The following BIRC5 variants were observed in gnomAD, a reference collection of about 807,000 sequenced individuals.
The protein encoded by BIRC5 is baculoviral IAP repeat-containing protein 5.
In BIRC5, 8 loss-of-function variants were observed where a neutral mutation model predicts 15.8. That is an observed-to-expected ratio of 0.51 (90% CI 0.30 to 0.91). The LOEUF (loss-of-function observed/expected upper bound fraction) is 0.91. BIRC5 is among the 40% of genes least tolerant of loss of function. BIRC5 has a pLI of 0.07. For missense variants in BIRC5, 163 were observed against 178.6 expected (o/e 0.91, Z 0.50); for synonymous variants, 56 against 64.5 (o/e 0.87, Z 0.63).
chr17:78,217,279 G>A (rs1212432728), intron 3 of BIRC5, among the ~76,000 whole-genome samples: 1 of 151,036 alleles, frequency 6.6e-6, no homozygotes, highest in Admixed American at 6.6e-5. Flanking sequence ...GGGCTCAAGT[G>A]ATTTGCCTGC....
At chr17:78,217,009 A>G (rs371666679) in intron 3 of BIRC5, among the ~76,000 whole-genome samples, 56 of 148,244 alleles carry the variant, frequency 3.8e-4, no homozygotes, top group African/African-American at 1.4e-3. Flanking sequence ...CCTCCCAAGT[A>G]ACTGGGATTA....
chr17:78,214,402 A>C lies in BIRC5; in HGVS notation c.86A>C (p.Glu29Ala). 6.3e-7 allele frequency: 1 copy of C among 1,592,866 alleles called. No homozygotes were observed. The highest frequency in any genetic ancestry group is 1.1e-5 in the South Asian group (1 of 89,200). The change falls in exon 1 of 4, where the codon GAG becomes GCG. Residue 29 changes from glutamate to alanine, a missense_variant. Coordinates refer to ENST00000350051, the MANE Select transcript of BIRC5 (RefSeq NM_001168.3). ...ISTFKNWPFL[E>A]GCACTPERMA... Reference sequence around the variant, plus strand: ...ACATTCAAGAACTGGCCCTTCTTGGAGGGCTGCGCCTGCACCCCGGAGCGG... The same window carrying C: ...ACATTCAAGAACTGGCCCTTCTTGGCGGGCTGCGCCTGCACCCCGGAGCGG...
At chr17:78,216,848 C>G (rs1260613568) in intron 3 of BIRC5, 67 bp downstream of exon 3, 13 of 1,190,092 alleles carry the variant, frequency 1.1e-5, no homozygotes, top group Non-Finnish European at 1.6e-5. Context: ...TACCTAGTCC[C>G]TCAAAGGGAC....
At chr17:78,220,551 A>C (rs921181625) in intron 3 of BIRC5, among the ~76,000 whole-genome samples, 4 of 152,134 alleles carry the variant, frequency 2.6e-5, no homozygotes, top group Admixed American at 6.6e-5. Context: ...AGACCCAGCC[A>C]CACTGGAAAG....
In BIRC5 at chr17:78,214,285, C is replaced by T. The variant is rs762112729; in HGVS notation, c.-32C>T. On this transcript the variant is annotated 5_prime_UTR_variant, in exon 1 of 4. Coordinates refer to ENST00000350051, the MANE Select transcript of BIRC5 (RefSeq NM_001168.3). ...GCCATTAACCGCCAGATTTGAATCGCGGGACCCGTTGGCAGAGGTGGCGGC... is the reference window on the plus strand; with the variant it reads ...GCCATTAACCGCCAGATTTGAATCGTGGGACCCGTTGGCAGAGGTGGCGGC... 2.4e-5 allele frequency: 38 copies of T among 1,576,548 alleles called. No homozygotes were observed. The highest frequency in any genetic ancestry group is 1.1e-4 in the East Asian group (5 of 43,530).
At chr17:78,220,877 G>A (rs1431613717) in intron 3 of BIRC5, among the ~76,000 whole-genome samples, 2 of 151,950 alleles carry the variant, frequency 1.3e-5, no homozygotes, top group Non-Finnish European at 2.9e-5. Flanking sequence ...CGTGTGTTGC[G>A]CTATACAAAT....
rs2076465167 is a variant in BIRC5, at chr17:78,214,673, C to A, written c.112-7C>A. The A allele has an allele frequency of 6.3e-7, 1 of 1,596,222 alleles. No homozygotes were observed. The highest frequency in any genetic ancestry group is 1.1e-5 in the South Asian group (1 of 88,466). Reference sequence around the variant, plus strand: ...CGTCCACTCACGAGCTGTGCTGTCCCTTGCAGATGGCCGAGGCTGGCTTCA... The same window carrying A: ...CGTCCACTCACGAGCTGTGCTGTCCATTGCAGATGGCCGAGGCTGGCTTCA... On this transcript the variant is annotated splice_polypyrimidine_tract_variant and splice_region_variant and intron_variant, in intron 1 of 3. Transcript: ENST00000350051.
At position 78,223,528 on chromosome 17, in the gene BIRC5, A is replaced by G; in HGVS notation, c.403A>G (p.Ile135Val). Residue 135 changes from isoleucine (I) to valine (V), a missense_variant, in exon 4 of 4, where the codon ATC becomes GTC. By Grantham distance (29) the Ile-to-Val change is conservative. Transcript: ENST00000350051. ...EETAEKVRRA[I>V]EQLAAMD ...AACTGCGGAGAAAGTGCGCCGTGCC[A>G]TCGAGCAGCTGGCTGCCATGGATTG... 2.5e-6 allele frequency: 4 copies of G among 1,613,274 alleles called. No homozygotes were observed. Among genetic ancestry groups the G allele is most frequent in the Non-Finnish European group, 3.4e-6 (4 of 1,179,636 alleles).
chr17:78,217,176 C>CT (rs1415769310), intron 3 of BIRC5, among the ~76,000 whole-genome samples: 147 of 142,416 alleles, frequency 1.0e-3, no homozygotes, highest in African/African-American at 1.4e-3. Flanking sequence ...CCACGCCTGG[C>CT]TTTTTTTTTT....
rs1047418031 is a variant in BIRC5, at chr17:78,223,768, G to A, written c.*214G>A. 2 of 1,067,252 alleles carry A rather than the reference G, an allele frequency of 1.9e-6. No individual in the cohort carries two copies. Among genetic ancestry groups the A allele is most frequent in the Admixed American group, 7.4e-5 (2 of 26,930 alleles). The allele number at this position is 1,067,252 out of a possible 1,614,324, so 66.1% of individuals were successfully genotyped here. On this transcript the variant is annotated 3_prime_UTR_variant, in exon 4 of 4. Coordinates refer to ENST00000350051, the MANE Select transcript of BIRC5 (RefSeq NM_001168.3). ...TGCAGCGGGTGCTGCTGGTAACAGTGGCTGCTTCTCTCTCTCTCTCTCTTT... is the reference window on the plus strand; with the variant it reads ...TGCAGCGGGTGCTGCTGGTAACAGTAGCTGCTTCTCTCTCTCTCTCTCTTT...
At chr17:78,222,546 T>C (rs1223267979) in intron 3 of BIRC5, among the ~76,000 whole-genome samples, 1 of 152,022 alleles carries the variant, frequency 6.6e-6, no homozygotes, top group Non-Finnish European at 1.5e-5. Flanking sequence ...ATGCCTGTAA[T>C]CCCAGCTACT....
intron 2 of BIRC5, 29 bp from the exon 3 acceptor site, chr17:78,216,635 C>T (rs1567863710): frequency 1.2e-6 from 2 of 1,604,514 alleles, no homozygotes; most frequent in Admixed American, 3.3e-5. Flanking sequence ...CCTTCAGCTG[C>T]CTTTCCGCTG....
intron 3 of BIRC5, among the ~76,000 whole-genome samples, chr17:78,218,606 A>ATT (rs1249282902): frequency 2.0e-5 from 2 of 100,134 alleles, no homozygotes; most frequent in Admixed American, 1.0e-4. Context: ...AAATTTTTTG[A>ATT]TTTTTTTTTT....
At chr17:78,218,188 G>A (rs1319426516) in intron 3 of BIRC5, among the ~76,000 whole-genome samples, 2 of 151,806 alleles carry the variant, frequency 1.3e-5, no homozygotes, top group Admixed American at 6.6e-5. Flanking sequence ...AGTATATACC[G>A]GTATAAGTAA....
At chr17:78,221,801 A>T (rs2076517422) in intron 3 of BIRC5, among the ~76,000 whole-genome samples, 1 of 152,226 alleles carries the variant, frequency 6.6e-6, no homozygotes, top group Admixed American at 6.5e-5. Flanking sequence ...GAAACTGAAT[A>T]ATCCATGTGT....
chr17:78,216,106 G>A (rs750217306), intron 2 of BIRC5: 16 of 396,722 alleles, frequency 4.0e-5, no homozygotes, highest in South Asian at 9.2e-5. Flanking sequence ...AAAATTAGCC[G>A]GGCGTGGTGG....
In BIRC5 at chr17:78,223,713, T is replaced by C; in HGVS notation, c.*159T>C. On this transcript the variant is annotated 3_prime_UTR_variant, in exon 4 of 4. Coordinates refer to ENST00000350051, the MANE Select transcript of BIRC5 (RefSeq NM_001168.3). ...TTTCAACTGTGCTCTTGTTTTGTCT[T>C]GAAAGTGGCACCAGAGGTGCTTCTG... 1 of 1,422,502 alleles carries C rather than the reference T, an allele frequency of 7.0e-7. No individual in the cohort carries two copies. The allele number at this position is 1,422,502 out of a possible 1,614,324, so 88.1% of individuals were successfully genotyped here. A position where few individuals can be genotyped will look rare whatever the true frequency, so the allele number is the denominator to read the frequency against.
At chr17:78,221,554 G>C (rs1225027238) in intron 3 of BIRC5, among the ~76,000 whole-genome samples, 1 of 152,160 alleles carries the variant, frequency 6.6e-6, no homozygotes, top group Non-Finnish European at 1.5e-5. Flanking sequence ...AGCCTCCCAA[G>C]TAGCTGGGAC....
At chr17:78,216,517 C>T in intron 2 of BIRC5, 147 bp from the exon 3 acceptor site, 1 of 674,722 alleles carries the variant, frequency 1.5e-6, no homozygotes, top group Non-Finnish European at 2.6e-6. Flanking sequence ...GGGCAAAGCA[C>T]TGATGCCATC....
Sources: allele counts gnomAD v4.1 joint callset (sites outside exome capture counted in the v4.1 genomes callset), GRCh38; gene constraint gnomAD v4.1.1; transcripts MANE v1.5; gene names NCBI Gene and HGNC (gene_info 2026-07-23, HGNC 2026-07-21).